RABL3: variants seen among roughly 807,000 people sequenced by gnomAD.
RABL3 encodes the protein rab-like protein 3.
RABL3 carries 31 observed loss-of-function variants against 31.8 expected under a neutral mutation model. That is an observed-to-expected ratio of 0.97 (90% CI 0.73 to 1.31). The LOEUF (loss-of-function observed/expected upper bound fraction) is 1.31, where lower values mean the gene tolerates loss of function less well. Ranked by LOEUF, RABL3 falls within the 40% of genes most tolerant of loss-of-function variation. The pLI, the probability that RABL3 is intolerant of heterozygous loss-of-function variation, is 0.00. For synonymous variants in RABL3, 97 were observed against 99.9 expected, an observed-to-expected ratio of 0.97 and a Z score of 0.18; for missense variants, 263 against 279.6, an observed-to-expected ratio of 0.94 and a Z score of 0.42.
intron 1 of RABL3, among the ~76,000 whole-genome samples, chr3:120,736,717 G>T (rs1020142684): frequency 9.2e-5 from 14 of 152,132 alleles, no homozygotes; most frequent in Admixed American, 1.3e-4. Context: ...AGCTCTTTTA[G>T]GGCAGGCCTG....
chr3:120,707,704 T>A (rs1410831927), intron 3 of RABL3, among the ~76,000 whole-genome samples: 4 of 152,040 alleles, frequency 2.6e-5, no homozygotes, highest in Admixed American at 2.6e-4. Flanking sequence ...TGGGTGAGAA[T>A]TTTGGACGGG....
intron 1 of RABL3, among the ~76,000 whole-genome samples, chr3:120,740,974 C>T (rs1709035860): frequency 1.3e-5 from 2 of 152,172 alleles, no homozygotes; most frequent in East Asian, 3.8e-4. Flanking sequence ...ACAGTTATAA[C>T]CCCAGAACCT....
intron 2 of RABL3, among the ~76,000 whole-genome samples, chr3:120,725,511 A>G (rs1173659619): frequency 4.6e-5 from 7 of 152,336 alleles, no homozygotes; most frequent in East Asian, 3.9e-4. Flanking sequence ...TGTTTACTGC[A>G]GCACTATTCA....
intron 2 of RABL3, among the ~76,000 whole-genome samples, chr3:120,727,762 T>C (rs1375687326): frequency 2.0e-5 from 3 of 152,170 alleles, no homozygotes; most frequent in Non-Finnish European, 4.4e-5. Context: ...GTTAGAGTTA[T>C]TACAGGATTG....
intron 5 of RABL3, among the ~76,000 whole-genome samples, chr3:120,696,276 T>C (rs566156143): frequency 2.0e-5 from 3 of 152,356 alleles, no homozygotes; most frequent in Admixed American, 2.0e-4. Context: ...ATTTATACAG[T>C]AACTGATGTT....
chr3:120,689,455 T>C lies in RABL3; in HGVS notation c.*368A>G, dbSNP rs984252064. ...ACGTTTTTGAAGTACTTAATTAAGC[T>C]TTCAGCAATGAGTGTGGGAAAATTA... On this transcript the variant is annotated 3_prime_UTR_variant, in exon 8 of 8. Coordinates refer to ENST00000273375, the MANE Select transcript of RABL3 (RefSeq NM_173825.5). 1 of 167,200 alleles carries C rather than the reference T, an allele frequency of 6.0e-6. No homozygotes were observed. Among genetic ancestry groups the C allele is most frequent in the African/African-American group, 2.4e-5 (1 of 42,078 alleles). 10.4% of individuals were successfully genotyped at this position (167,200 alleles called of 1,614,324 possible).
chr3:120,727,563 C>A (rs112305858), intron 2 of RABL3, among the ~76,000 whole-genome samples: 1 of 151,578 alleles, frequency 6.6e-6, no homozygotes, highest in South Asian at 2.1e-4. Context: ...TTTCAGAGAA[C>A]AGATACAGAA....
chr3:120,738,293 C>A (rs1053400646), intron 1 of RABL3, among the ~76,000 whole-genome samples: 1 of 152,266 alleles, frequency 6.6e-6, no homozygotes, highest in African/African-American at 2.4e-5. Context: ...GTGTGGCACC[C>A]TCTGAGCCAG....
At chr3:120,707,450 T>A (rs1708562096) in intron 3 of RABL3, among the ~76,000 whole-genome samples, 1 of 152,188 alleles carries the variant, frequency 6.6e-6, no homozygotes, top group Admixed American at 6.5e-5. Flanking sequence ...TTACATGTGT[T>A]ATCTAATTTA....
At chr3:120,714,845 A>AC (rs1360921778) in intron 2 of RABL3, among the ~76,000 whole-genome samples, 1 of 151,726 alleles carries the variant, frequency 6.6e-6, no homozygotes, top group African/African-American at 2.4e-5. Context: ...TCTTTCTCTG[A>AC]CCCCTCTTTT....
intron 1 of RABL3, among the ~76,000 whole-genome samples, chr3:120,731,756 T>C (rs967504893): frequency 6.6e-6 from 1 of 152,086 alleles, no homozygotes; most frequent in African/African-American, 2.4e-5. Context: ...ATCTAGAAAG[T>C]ATGCACAAAT....
intron 2 of RABL3, among the ~76,000 whole-genome samples, chr3:120,712,349 T>C (rs1452098927): frequency 2.6e-5 from 4 of 152,186 alleles, no homozygotes; most frequent in East Asian, 1.9e-4. Flanking sequence ...TATTTTGTTA[T>C]ATGGCAAAAA....
chr3:120,737,155 G>T (rs1016060811), intron 1 of RABL3, among the ~76,000 whole-genome samples: 2 of 152,184 alleles, frequency 1.3e-5, no homozygotes, highest in African/African-American at 4.8e-5. Flanking sequence ...GTCACTTTCA[G>T]GTACACCAAT....
chr3:120,741,653 A>T (rs994385810), intron 1 of RABL3, among the ~76,000 whole-genome samples: 5 of 152,296 alleles, frequency 3.3e-5, no homozygotes, highest in Non-Finnish European at 4.4e-5. Flanking sequence ...GTGTCAAAAG[A>T]ATTCTTTTTG....
At chr3:120,739,425 C>A (rs755270462) in intron 1 of RABL3, among the ~76,000 whole-genome samples, 1 of 152,000 alleles carries the variant, frequency 6.6e-6, no homozygotes, top group Non-Finnish European at 1.5e-5. Context: ...GTCTGCATTT[C>A]TTTACTTTCT....
In RABL3 at chr3:120,705,988, A is replaced by C. The variant is rs754617349; in HGVS notation, c.383+12T>G. 1 of 1,474,768 alleles carries C rather than the reference A, an allele frequency of 6.8e-7. No individual in the cohort carries two copies. Among genetic ancestry groups the C allele is most frequent in the Non-Finnish European group, 9.5e-7 (1 of 1,052,596 alleles). The allele number at this position is 1,474,768 out of a possible 1,614,324, so 91.4% of individuals were successfully genotyped here. ...GCTACAATCTTTCAAACCAATTGTG[A>C]AATTGGCTCACCCATTTGTCACCAA... On this transcript the variant is annotated intron_variant, in intron 4 of 7. Coordinates refer to ENST00000273375, the MANE Select transcript of RABL3 (RefSeq NM_173825.5).
intron 2 of RABL3, among the ~76,000 whole-genome samples, chr3:120,729,258 T>C (rs1235876220): frequency 6.6e-6 from 1 of 152,042 alleles, no homozygotes; most frequent in Non-Finnish European, 1.5e-5. Flanking sequence ...GAATTTACAT[T>C]ATCTAGATTT....
intron 2 of RABL3, among the ~76,000 whole-genome samples, chr3:120,712,690 C>T (rs981349645): frequency 3.9e-5 from 6 of 152,216 alleles, no homozygotes; most frequent in South Asian, 4.1e-4. Flanking sequence ...TGTAAGGGCA[C>T]GGACCATGTA....
intron 2 of RABL3, among the ~76,000 whole-genome samples, chr3:120,723,450 A>G (rs1450475412): frequency 2.6e-5 from 4 of 152,218 alleles, no homozygotes; most frequent in African/African-American, 9.6e-5. Context: ...TCATTTTATG[A>G]GGCCAGCATC....
Sources: allele counts gnomAD v4.1 joint callset (sites outside exome capture counted in the v4.1 genomes callset), GRCh38; gene constraint gnomAD v4.1.1; transcripts MANE v1.5; gene names NCBI Gene and HGNC (gene_info 2026-07-23, HGNC 2026-07-21).